TMPRSS15: variants seen among roughly 807,000 people sequenced by gnomAD.
TMPRSS15 encodes transmembrane serine protease 15.
Under a neutral mutation model 125.3 loss-of-function variants are expected in TMPRSS15, and 128 were observed. The observed-to-expected ratio is 1.02, with a 90% CI of 0.89 to 1.18. The LOEUF is 1.18. Among genes scored for constraint, TMPRSS15 ranks in the 50% most tolerant of loss-of-function variants. The probability of loss-of-function intolerance (pLI) is 0.00; values close to 1 mark genes in which losing one functional copy is unlikely to be tolerated. For missense variants in TMPRSS15, 1,283 were observed against 1,212.7 expected, an observed-to-expected ratio of 1.06 and a Z score of -0.86; for synonymous variants, 446 against 423.2, an observed-to-expected ratio of 1.05 and a Z score of -0.66.
intron 1 of TMPRSS15, among the ~76,000 whole-genome samples, chr21:18,445,163 T>TAC (rs1375216573): frequency 8.6e-5 from 13 of 151,734 alleles, no homozygotes; most frequent in Admixed American, 8.6e-4. Context: ...TATATATATA[T>TAC]ACCCCATTTA....
rs139278712 is a variant in TMPRSS15 at position 18,369,412 on chromosome 21, CA to C, written c.664+2780del. 9.7e-3 allele frequency among the ~76,000 whole-genome samples: 1,484 copies of C among 152,284 alleles called. 24 individuals are homozygous for C. The highest frequency in any genetic ancestry group is 0.033 in the African/African-American group (1,353 of 41,566). On this transcript the variant is annotated intron_variant, in intron 6 of 24. Transcript: ENST00000284885. ...CATTGGCTTAAAGGCTGTGAATCAG[CA>C]TCTTTCCTTTTCATAGGTCAGCTAA...
intron 5 of TMPRSS15, among the ~76,000 whole-genome samples, chr21:18,374,570 G>T (rs573127420): frequency 3.0e-4 from 45 of 151,570 alleles, no homozygotes; most frequent in Non-Finnish European, 5.6e-4. Flanking sequence ...TTTATGGAAG[G>T]CATAGTAGGA....
intron 18 of TMPRSS15, among the ~76,000 whole-genome samples, chr21:18,301,146 T>C (rs1374050686): frequency 6.6e-6 from 1 of 152,154 alleles, no homozygotes; most frequent in African/African-American, 2.4e-5. Flanking sequence ...CTAAATATTG[T>C]TACCAGTAAC....
Position 18,403,680 on chromosome 21 carries a change from C to T in TMPRSS15, c.-58G>A. 1 of 1,604,446 alleles carries T rather than the reference C, an allele frequency of 6.2e-7. No individual in the cohort carries two copies. The highest frequency in any genetic ancestry group is 8.5e-7 in the Non-Finnish European group (1 of 1,172,758). ...TGAAAGAGAATATAAATAATTCTAC[C>T]AACTGAAGAGAAAAATCTCTCAAAT... On this transcript the variant is annotated 5_prime_UTR_variant, in exon 1 of 25. Transcript: ENST00000284885.
In TMPRSS15 at chr21:18,359,804, T is replaced by A. The variant is rs780014026; in HGVS notation, c.833A>T (p.Asp278Val). The change falls in exon 8 of 25, where the codon GAT becomes GTT. Residue 278 changes from aspartate to valine, a missense_variant. Physicochemically the swap from Asp to Val is radical, Grantham distance 152. Coordinates refer to ENST00000284885, the MANE Select transcript of TMPRSS15 (RefSeq NM_002772.3). ...TACACCTTCATAAATATCTAATATA[T>A]CTGTATAATATGTATTAAAATCATC... Reference protein sequence around the residue: ...SFDDFNTYYTDILDIYEGVGS... With the variant: ...SFDDFNTYYTVILDIYEGVGS... 2.6e-6 allele frequency: 4 copies of A among 1,523,450 alleles called. No individual in the cohort carries two copies. In the South Asian group the frequency reaches 4.5e-5, roughly 17 times the overall value. The allele number at this position is 1,523,450 out of a possible 1,614,324, so 94.4% of individuals were successfully genotyped here.
intron 1 of TMPRSS15, among the ~76,000 whole-genome samples, chr21:18,483,048 A>G (rs532446625): frequency 3.3e-5 from 5 of 151,776 alleles, no homozygotes; most frequent in Non-Finnish European, 7.4e-5. Context: ...GTGGAATACT[A>G]TTAGTATCTA....
intron 19 of TMPRSS15, among the ~76,000 whole-genome samples, chr21:18,297,246 G>A (rs1205970637): frequency 1.3e-5 from 2 of 152,116 alleles, no homozygotes; most frequent in African/African-American, 2.4e-5. Flanking sequence ...ATGTAGACAC[G>A]ATGAAAGGTC....
At chr21:18,407,761 A>G (rs573829424), upstream of TMPRSS15, among the ~76,000 whole-genome samples, 1 of 152,190 alleles carries the variant, frequency 6.6e-6, no homozygotes, top group Non-Finnish European at 1.5e-5. Context: ...CCATAGGAGA[A>G]TAAGATAATT....
upstream of TMPRSS15, among the ~76,000 whole-genome samples, chr21:18,407,757 G>A (rs2824809): frequency 0.082 from 12,454 of 152,172 alleles, 612 homozygotes; most frequent in South Asian, 0.13. Flanking sequence ...ATGCCCATAG[G>A]AGAATAAGAT....
At chr21:18,422,128 T>C (rs4816770) in intron 1 of TMPRSS15, among the ~76,000 whole-genome samples, 112,199 of 151,710 alleles carry the variant, frequency 0.74, 42,598 homozygotes, top group East Asian at 0.89. Context: ...GGATTACAGG[T>C]GTGCACCATC....
At chr21:18,420,132 T>G (rs77304219) in intron 1 of TMPRSS15, among the ~76,000 whole-genome samples, 1 of 152,184 alleles carries the variant, frequency 6.6e-6, no homozygotes, top group Admixed American at 6.5e-5. Context: ...CATGAAAAAT[T>G]TGAAGTTTTC....
chr21:18,328,983 T>C (rs1453162873), intron 15 of TMPRSS15, among the ~76,000 whole-genome samples, 186 bp downstream of exon 15: 2 of 152,158 alleles, frequency 1.3e-5, no homozygotes, highest in Non-Finnish European at 2.9e-5. Context: ...TCAAGAAAAA[T>C]ATTCCGTTGT....
chr21:18,383,341 AACACTCTC>A (rs1354005310), intron 4 of TMPRSS15, among the ~76,000 whole-genome samples: 93 of 148,002 alleles, frequency 6.3e-4, no homozygotes, highest in African/African-American at 7.3e-4. Context: ...TGTGCATGCC[AACACTCTC>A]AGAATCTCCT....
intron 21 of TMPRSS15, among the ~76,000 whole-genome samples, chr21:18,293,029 G>C (rs942113415): frequency 6.6e-6 from 1 of 152,150 alleles, no homozygotes; most frequent in African/African-American, 2.4e-5. Context: ...AGCTCCTTTG[G>C]AGACCAGCTA....
At chr21:18,352,853 T>C in intron 10 of TMPRSS15, 50 bp downstream of exon 10, 1 of 1,589,008 alleles carries the variant, frequency 6.3e-7, no homozygotes, top group Non-Finnish European at 8.6e-7. Flanking sequence ...CTCTTTCCTT[T>C]TGATTTATGA....
At chr21:18,482,399 ATATAT>A (rs1978997977) in intron 1 of TMPRSS15, among the ~76,000 whole-genome samples, 1 of 151,508 alleles carries the variant, frequency 6.6e-6, no homozygotes, top group African/African-American at 2.4e-5. Context: ...TTTAGCAACA[ATATAT>A]TATATATTTT....
chr21:18,441,660 A>ATATTAT (rs2076242016), intron 1 of TMPRSS15, among the ~76,000 whole-genome samples: 3 of 129,002 alleles, frequency 2.3e-5, no homozygotes, highest in African/African-American at 9.3e-5. Context: ...ACTTTAGGAC[A>ATATTAT]CATTATTATT....
At chr21:18,290,066 T>C (rs1483468655) in intron 21 of TMPRSS15, among the ~76,000 whole-genome samples, 1 of 152,268 alleles carries the variant, frequency 6.6e-6, no homozygotes, top group African/African-American at 2.4e-5. Flanking sequence ...AACTCCTTTT[T>C]GTGTTCCAGG....
chr21:18,305,096 C>G (rs2075016777), intron 18 of TMPRSS15, among the ~76,000 whole-genome samples: 1 of 149,786 alleles, frequency 6.7e-6, no homozygotes, highest in Non-Finnish European at 1.5e-5. Flanking sequence ...ACCTGAAGGA[C>G]TTATTAAATC....
Sources: gnomAD v4.1 joint callset for allele counts (sites outside exome capture counted in the v4.1 genomes callset) on GRCh38, gnomAD v4.1.1 for gene constraint, MANE v1.5 for transcripts, NCBI Gene and HGNC (gene_info 2026-07-23, HGNC 2026-07-21) for gene names.